The following ANO10 variants were observed in gnomAD, a reference collection of about 807,000 sequenced individuals.
ANO10 encodes anoctamin-10.
In ANO10, 77 loss-of-function variants were observed where a neutral mutation model predicts 74.7. The ratio of observed to expected loss-of-function variants is 1.03; its 90% confidence interval spans 0.86 to 1.25. ANO10 has a LOEUF of 1.25. Among genes scored for constraint, ANO10 ranks in the 50% most tolerant of loss-of-function variants. The probability of loss-of-function intolerance (pLI) is 0.00; values close to 1 mark genes in which losing one functional copy is unlikely to be tolerated. For missense variants in ANO10, 721 were observed against 778.1 expected (o/e 0.93, Z 0.87); for synonymous variants, 279 against 284.9 (o/e 0.98, Z 0.21).
intron 12 of ANO10, among the ~76,000 whole-genome samples, chr3:43,400,394 T>C (rs542063048): frequency 1.8e-4 from 27 of 152,018 alleles, no homozygotes; most frequent in African/African-American, 5.1e-4. Context: ...GCTGGCTACA[T>C]AGAGAAAGTC....
chr3:43,550,715 CT>C (rs2079418456), intron 10 of ANO10, among the ~76,000 whole-genome samples: 2 of 152,124 alleles, frequency 1.3e-5, no homozygotes, highest in Non-Finnish European at 2.9e-5. Context: ...CATAAGAAAT[CT>C]AAGACTGTCT....
chr3:43,470,785 C>T (rs1212026624), intron 11 of ANO10, among the ~76,000 whole-genome samples: 2 of 151,976 alleles, frequency 1.3e-5, no homozygotes, highest in African/African-American at 2.4e-5. Context: ...TCTCACCACA[C>T]ACACAGCTAA....
At chr3:43,583,609 G>A (rs796989275) in intron 4 of ANO10, among the ~76,000 whole-genome samples, 1 of 152,248 alleles carries the variant, frequency 6.6e-6, no homozygotes, top group African/African-American at 2.4e-5. Flanking sequence ...CTCTCATAAC[G>A]CCTTACAGCA....
At chr3:43,564,244 G>A (rs1484521008) in intron 8 of ANO10, among the ~76,000 whole-genome samples, 1 of 151,954 alleles carries the variant, frequency 6.6e-6, no homozygotes, top group Admixed American at 6.6e-5. Context: ...ACGTTGCCCA[G>A]GTTGGTCTTG....
At position 43,387,750 on chromosome 3, in the gene ANO10, C is replaced by T. The variant is rs185322913; in HGVS notation, c.1915-20776G>A. 3.4e-3 allele frequency among the ~76,000 whole-genome samples: 513 copies of T among 152,268 alleles called. 4 individuals are homozygous for T. The highest frequency in any genetic ancestry group is 0.012 in the African/African-American group (496 of 41,546). ...AGGCACTGCCCCTTCTGTGGGGGAG[C>T]TCCTCTGCTGAGGGAGTTCACAGGT... is the stretch of plus-strand genomic sequence containing the variant. On this transcript the variant is annotated intron_variant, in intron 12 of 12. Transcript: ENST00000292246.
At chr3:43,420,219 G>A (rs915469783) in intron 12 of ANO10, among the ~76,000 whole-genome samples, 2 of 152,218 alleles carry the variant, frequency 1.3e-5, no homozygotes, top group East Asian at 3.8e-4. Context: ...GCTGAGGAGG[G>A]TGGATTGCTT....
intron 11 of ANO10, among the ~76,000 whole-genome samples, chr3:43,514,435 T>C (rs1225650770): frequency 6.6e-6 from 1 of 151,970 alleles, no homozygotes; most frequent in African/African-American, 2.4e-5. Flanking sequence ...ATGAAGATGA[T>C]GAAACAATTA....
chr3:43,383,892 C>T (rs1475093498), intron 12 of ANO10, among the ~76,000 whole-genome samples: 5 of 152,140 alleles, frequency 3.3e-5, no homozygotes, highest in Non-Finnish European at 7.3e-5. Flanking sequence ...TATTTCTATT[C>T]AGCATAGTAC....
chr3:43,583,595 A>T (rs894863150), intron 4 of ANO10, among the ~76,000 whole-genome samples: 1 of 152,222 alleles, frequency 6.6e-6, no homozygotes, highest in East Asian at 1.9e-4. Flanking sequence ...TAAAAGCAAA[A>T]TCCCTCTCAT....
In ANO10 at chr3:43,568,283, G is replaced by GA. The variant is rs1355340605; in HGVS notation, c.1219-2557dup. ...CAACATTAGACAGATCAACGAGACA[G>GA]AAAGTCAACAAGGATACCCAGGAAT... On this transcript the variant is annotated intron_variant, in intron 7 of 12. Transcript: ENST00000292246. Among the ~76,000 whole-genome samples the GA allele has an allele frequency of 2.3e-4, 35 of 152,036 alleles. No individual in the cohort carries two copies. The East Asian group carries it at 3.5e-3, about 15-fold the overall frequency.
intron 11 of ANO10, among the ~76,000 whole-genome samples, chr3:43,432,944 CTTTTTTTTTTTTT>C (rs5848663): frequency 2.0e-3 from 109 of 55,288 alleles, no homozygotes; most frequent in Admixed American, 3.1e-3. Context: ...TTGCTTAATT[CTTTTTTTTTTTTT>C]TTTTTTTTTT....
chr3:43,613,359 A>T (rs1380499083), intron 1 of ANO10, among the ~76,000 whole-genome samples: 1 of 152,178 alleles, frequency 6.6e-6, no homozygotes, highest in African/African-American at 2.4e-5. Context: ...GGACCAGGCA[A>T]TGGGGGACAC....
rs2077991455 is a variant in ANO10 at position 43,522,300 on chromosome 3, G to A, written c.1797+27420C>T. Among the ~76,000 whole-genome samples the A allele has an allele frequency of 2.0e-5, 3 of 151,898 alleles. No homozygotes were observed. In the South Asian group the frequency reaches 6.2e-4, roughly 32 times the overall value. On this transcript the variant is annotated intron_variant, in intron 11 of 12. Coordinates refer to ENST00000292246, the MANE Select transcript of ANO10 (RefSeq NM_018075.5). Reference sequence around the variant, plus strand: ...CAATATAATTAAAATTGCAAATTATGTTATTATATTTTACCATGATAAAAA... The same window carrying A: ...CAATATAATTAAAATTGCAAATTATATTATTATATTTTACCATGATAAAAA...
chr3:43,448,695 A>C (rs1274180541), intron 11 of ANO10, among the ~76,000 whole-genome samples: 1 of 152,202 alleles, frequency 6.6e-6, no homozygotes, highest in Non-Finnish European at 1.5e-5. Context: ...TTTTCAACCC[A>C]TTTGGGTAAA....
intron 12 of ANO10, among the ~76,000 whole-genome samples, chr3:43,415,750 C>A (rs2092728695): frequency 6.6e-6 from 1 of 152,062 alleles, no homozygotes; most frequent in African/African-American, 2.4e-5. Context: ...CCATGTTGGC[C>A]AGGCTGCTCA....
chr3:43,595,091 T>A (rs2082009570), intron 4 of ANO10, among the ~76,000 whole-genome samples: 1 of 151,962 alleles, frequency 6.6e-6, no homozygotes, highest in African/African-American at 2.4e-5. Context: ...AATAGACCAA[T>A]AACAGACTCT....
Position 43,580,366 on chromosome 3 carries a change from C to T in ANO10, c.579G>A (p.Lys193=), listed in dbSNP as rs747663849. The T allele has an allele frequency of 6.2e-6, 10 of 1,613,996 alleles. No homozygotes were observed. The highest frequency in any genetic ancestry group is 8.5e-6 in the Non-Finnish European group (10 of 1,179,966). Residue 193 remains lysine, a synonymous_variant, in exon 5 of 13, where the codon AAG becomes AAA. Coordinates refer to ENST00000292246, the MANE Select transcript of ANO10 (RefSeq NM_018075.5). ...EDTWYTRFAL[K]YQPIDSIRGY... is the part of the protein sequence containing the mutation. ...ACTGACACATACCTATGGGCTGATA[C>T]TTCAAAGCAAACCGAGTGTACCAGG...
At chr3:43,371,274 C>T (rs984971182) in intron 12 of ANO10, among the ~76,000 whole-genome samples, 5 of 152,272 alleles carry the variant, frequency 3.3e-5, no homozygotes, top group East Asian at 1.9e-4. Flanking sequence ...GTGGCCTCAC[C>T]GTCCATGTCC....
chr3:43,487,855 C>T (rs569694415), intron 11 of ANO10, among the ~76,000 whole-genome samples: 10 of 151,430 alleles, frequency 6.6e-5, no homozygotes, highest in South Asian at 2.1e-4. Context: ...GAGCCCGCAT[C>T]GCCAAGTCAA....
Sources: allele counts gnomAD v4.1 joint callset (sites outside exome capture counted in the v4.1 genomes callset), GRCh38; gene constraint gnomAD v4.1.1; transcripts MANE v1.5; gene names NCBI Gene and HGNC (gene_info 2026-07-23, HGNC 2026-07-21).